The following PCDHB15 variants were observed in gnomAD, a reference collection of about 807,000 sequenced individuals.
PCDHB15 encodes protocadherin beta 15.
For missense variants in PCDHB15, 1,032 were observed against 991.7 expected, an observed-to-expected ratio of 1.04 and a Z score of -0.55; for synonymous variants, 492 against 447.9, an observed-to-expected ratio of 1.10 and a Z score of -1.24.
Position 141,247,677 on chromosome 5 carries a change from T to A in PCDHB15, c.2099T>A (p.Leu700His). The A allele has an allele frequency of 6.2e-7, 1 of 1,610,626 alleles. No homozygotes were observed. Residue 700 changes from leucine (L) to histidine (H), a missense_variant, in exon 1 of 1, where the codon CTC (leucine) becomes CAC (histidine). By Grantham distance (99) the Leu-to-His change is moderately conservative. Transcript: ENST00000231173. ...LVVALASVSSLFLFSVFLFVA... is the reference protein window; with the variant it reads ...LVVALASVSSHFLFSVFLFVA... Reference sequence around the variant, plus strand: ...GTGGCATTGGCCTCGGTGTCTTCGCTCTTCCTCTTCTCGGTGTTCCTGTTC... The same window carrying A: ...GTGGCATTGGCCTCGGTGTCTTCGCACTTCCTCTTCTCGGTGTTCCTGTTC...
Position 141,247,178 on chromosome 5 carries a change from A to G in PCDHB15, c.1600A>G (p.Thr534Ala), listed in dbSNP as rs1208662677. The G allele has an allele frequency of 1.2e-6, 2 of 1,613,200 alleles. No homozygotes were observed. Among genetic ancestry groups the G allele is most frequent in the Non-Finnish European group, 8.5e-7 (1 of 1,179,816 alleles). Residue 534 changes from threonine to alanine, a missense_variant, in exon 1 of 1, where the codon ACA (threonine) becomes GCA (alanine). Thr to Ala is a moderately conservative substitution (Grantham distance 58). Coordinates refer to ENST00000231173, the MANE Select transcript of PCDHB15 (RefSeq NM_018935.4). The stretch of plus-strand genomic sequence containing the variant: ...GGCTTTCGAGTTCCGCGTGGGCGCC[A>G]CAGACCGCGGCTTCCCGGCGCTGAG... ...LQAFEFRVGATDRGFPALSSE... is the reference protein window; with the variant it reads ...LQAFEFRVGAADRGFPALSSE...
Position 141,247,646 on chromosome 5 carries a change from C to T in PCDHB15, c.2068C>T (p.Leu690=). ...QAQADSLTVY[L]VVALASVSSL... Reference sequence around the variant, plus strand: ...CCAGGCCGACTCGCTTACCGTCTACCTGGTGGTGGCATTGGCCTCGGTGTC... The same window carrying T: ...CCAGGCCGACTCGCTTACCGTCTACTTGGTGGTGGCATTGGCCTCGGTGTC... Residue 690 remains leucine (L), a synonymous_variant, in exon 1 of 1, where the codon CTG becomes TTG. Transcript: ENST00000231173. The T allele has an allele frequency of 6.2e-7, 1 of 1,610,534 alleles. No homozygotes were observed.
rs1219282210 is a variant in PCDHB15, at chr5:141,248,089, T to A, written c.*147T>A. 1.8e-5 allele frequency: 12 copies of A among 658,236 alleles called. No individual in the cohort carries two copies. The highest frequency in any genetic ancestry group is 2.6e-5 in the Non-Finnish European group (11 of 424,544). The allele number at this position is 658,236 out of a possible 1,614,324, so 40.8% of individuals were successfully genotyped here. A position where few individuals can be genotyped will look rare whatever the true frequency, so the allele number is the denominator to read the frequency against. Reference sequence around the variant, plus strand: ...TTAGTAATGTTACTCATTTCCTTTGTCTGATTGTTAGTTTTCAAATTATTG... The same window carrying A: ...TTAGTAATGTTACTCATTTCCTTTGACTGATTGTTAGTTTTCAAATTATTG... On this transcript the variant is annotated 3_prime_UTR_variant, in exon 1 of 1. Coordinates refer to ENST00000231173, the MANE Select transcript of PCDHB15 (RefSeq NM_018935.4).
At position 141,246,041 on chromosome 5, in the gene PCDHB15, A is replaced by C. The variant is rs1554291836; in HGVS notation, c.463A>C (p.Lys155Gln). The change falls in exon 1 of 1, where the codon AAA (lysine) becomes CAA (glutamine). Residue 155 changes from lysine to glutamine, a missense_variant. Transcript: ENST00000231173. ...TSSLGTVFPL[K>Q]KARDLDVGSN... ...CTCCCTTGGGACTGTGTTTCCTCTG[A>C]AAAAAGCTCGGGACTTGGACGTGGG... is the stretch of plus-strand genomic sequence containing the variant. 6.2e-7 allele frequency: 1 copy of C among 1,614,154 alleles called. No individual in the cohort carries two copies. Among genetic ancestry groups the C allele is most frequent in the Non-Finnish European group, 8.5e-7 (1 of 1,180,036 alleles).
In PCDHB15 at chr5:141,247,008, A is replaced by G; in HGVS notation, c.1430A>G (p.Asp477Gly). ...CACATCGGCAGTGTCAGCGCCACAG[A>G]CAGAGACTCGGGCACCAACGCCCAG... is the stretch of plus-strand genomic sequence containing the variant. ...ALHIGSVSATDRDSGTNAQVT... is the reference protein window; with the variant it reads ...ALHIGSVSATGRDSGTNAQVT... The change falls in exon 1 of 1, where the codon GAC (aspartate) becomes GGC (glycine). Residue 477 changes from aspartate to glycine, a missense_variant. Asp to Gly is a moderately conservative substitution (Grantham distance 94, BLOSUM62 -1). Coordinates refer to ENST00000231173, the MANE Select transcript of PCDHB15 (RefSeq NM_018935.4). 1 of 1,613,378 alleles carries G rather than the reference A, an allele frequency of 6.2e-7. No individual in the cohort carries two copies. Among genetic ancestry groups the G allele is most frequent in the Non-Finnish European group, 8.5e-7 (1 of 1,180,010 alleles).
chr5:141,248,676 T>C lies in PCDHB15; in HGVS notation c.*734T>C, dbSNP rs1289861352. On this transcript the variant is annotated 3_prime_UTR_variant, in exon 1 of 1. Transcript: ENST00000231173. ...GTTTAAGGTGTTCGTATAAGGCCAA[T>C]AGACACTAGGACCAAGTAATGCATC... 1 of 152,176 alleles carries C rather than the reference T, an allele frequency of 6.6e-6. No individual in the cohort carries two copies. The highest frequency in any genetic ancestry group is 1.5e-5 in the Non-Finnish European group (1 of 68,028). The allele number at this position is 152,176 out of a possible 1,614,324, so 9.4% of individuals were successfully genotyped here.
At position 141,247,822 on chromosome 5, in the gene PCDHB15, C is replaced by T; in HGVS notation, c.2244C>T (p.Ser748=). 1 of 1,614,238 alleles carries T rather than the reference C, an allele frequency of 6.2e-7. No homozygotes were observed. The highest frequency in any genetic ancestry group is 1.1e-5 in the South Asian group (1 of 91,082). Residue 748 remains serine (S), a synonymous_variant, in exon 1 of 1, where the codon AGC becomes AGT. Transcript: ENST00000231173. ...DVSGTGTLSQ[S]YQYEVCLTGG... ...GCGGCACCGGGACCCTTTCCCAGAG[C>T]TACCAGTACGAGGTGTGTCTGACGG...
rs150110192 is a variant in PCDHB15 at position 141,247,593 on chromosome 5, C to T, written c.2015C>T (p.Pro672Leu). 1.9e-6 allele frequency: 3 copies of T among 1,610,186 alleles called. No individual in the cohort carries two copies. Among genetic ancestry groups the T allele is most frequent in the Non-Finnish European group, 2.5e-6 (3 of 1,179,782 alleles). ...GACGGCTTCTCTCAGCCCTACCTGC[C>T]GCTCCCAGAGGCGGCCCCGGCCCAA... Reference protein sequence around the residue: ...LVDGFSQPYLPLPEAAPAQAQ... With the variant: ...LVDGFSQPYLLLPEAAPAQAQ... Residue 672 changes from proline (P) to leucine (L), a missense_variant, in exon 1 of 1, where the codon CCG (proline) becomes CTG (leucine). Transcript: ENST00000231173.
chr5:141,247,063 C>A lies in PCDHB15; in HGVS notation c.1485C>A (p.Asp495Glu). 6.2e-7 allele frequency: 1 copy of A among 1,613,922 alleles called. No individual in the cohort carries two copies. The change falls in exon 1 of 1, where the codon GAC becomes GAA. Residue 495 changes from aspartate (D) to glutamate (E), a missense_variant. Physicochemically the swap from Asp to Glu is conservative, Grantham distance 45. Transcript: ENST00000231173. ...CCTACTCGCTGCTGCCGCCCCGGGA[C>A]CCGCACCTGCCCCTCACCTCCCTGG... is the stretch of plus-strand genomic sequence containing the variant. The part of the protein sequence containing the change: ...QVTYSLLPPR[D>E]PHLPLTSLVS...
rs1755233424 is a variant in PCDHB15, at chr5:141,245,517, C to G, written c.-62C>G. 1 of 1,428,274 alleles carries G rather than the reference C, an allele frequency of 7.0e-7. No homozygotes were observed. The highest frequency in any genetic ancestry group is 1.2e-5 in the South Asian group (1 of 80,244). The allele number at this position is 1,428,274 out of a possible 1,614,324, so 88.5% of individuals were successfully genotyped here. A position where few individuals can be genotyped will look rare whatever the true frequency, so the allele number is the denominator to read the frequency against. On this transcript the variant is annotated 5_prime_UTR_variant, in exon 1 of 1. Coordinates refer to ENST00000231173, the MANE Select transcript of PCDHB15 (RefSeq NM_018935.4). The stretch of plus-strand genomic sequence containing the variant: ...GCACAGATCGATCACTGCCTCTGTC[C>G]CATCGCTCCCTGAAGTAGCTCTGAC...
At position 141,245,522 on chromosome 5, in the gene PCDHB15, G is replaced by A; in HGVS notation, c.-57G>A. On this transcript the variant is annotated 5_prime_UTR_variant, in exon 1 of 1. Transcript: ENST00000231173. The stretch of plus-strand genomic sequence containing the variant: ...GATCGATCACTGCCTCTGTCCCATC[G>A]CTCCCTGAAGTAGCTCTGACTCCGG... The A allele has an allele frequency of 1.4e-6, 2 of 1,476,624 alleles. No individual in the cohort carries two copies. Among genetic ancestry groups the A allele is most frequent in the Non-Finnish European group, 1.9e-6 (2 of 1,072,266 alleles). 91.5% of individuals were successfully genotyped at this position (1,476,624 alleles called of 1,614,324 possible). A position where few individuals can be genotyped will look rare whatever the true frequency, so the allele number is the denominator to read the frequency against.
Position 141,248,735 on chromosome 5 carries a change from C to T in PCDHB15, c.*793C>T, listed in dbSNP as rs1457863207. On this transcript the variant is annotated 3_prime_UTR_variant, in exon 1 of 1. Coordinates refer to ENST00000231173, the MANE Select transcript of PCDHB15 (RefSeq NM_018935.4). ...TTTCCTCTTTTCACAGCAGGAAAAT[C>T]TTAACGAGTTCCAAATTCTGGGCTT... 6.6e-6 allele frequency: 1 copy of T among 152,128 alleles called. No homozygotes were observed. Among genetic ancestry groups the T allele is most frequent in the Non-Finnish European group, 1.5e-5 (1 of 68,040 alleles). The allele number at this position is 152,128 out of a possible 1,614,324, so 9.4% of individuals were successfully genotyped here.
chr5:141,247,798 C>G lies in PCDHB15; in HGVS notation c.2220C>G (p.Ser740Arg), dbSNP rs1755319172. The change falls in exon 1 of 1, where the codon AGC becomes AGG. Residue 740 changes from serine to arginine, a missense_variant. Physicochemically the swap from Ser to Arg is moderately radical, Grantham distance 110. Coordinates refer to ENST00000231173, the MANE Select transcript of PCDHB15 (RefSeq NM_018935.4). ...TTCCAGGGCATCTGGTGGACGTGAG[C>G]GGCACCGGGACCCTTTCCCAGAGCT... ...GPFPGHLVDV[S>R]GTGTLSQSYQ... 1 of 1,614,074 alleles carries G rather than the reference C, an allele frequency of 6.2e-7. No individual in the cohort carries two copies. The highest frequency in any genetic ancestry group is 1.3e-5 in the African/African-American group (1 of 74,942).
Position 141,248,939 on chromosome 5 carries a change from C to T in PCDHB15, c.*997C>T, listed in dbSNP as rs996525479. 6.6e-6 allele frequency: 1 copy of T among 152,148 alleles called. No individual in the cohort carries two copies. Among genetic ancestry groups the T allele is most frequent in the East Asian group, 1.9e-4 (1 of 5,202 alleles). The allele number at this position is 152,148 out of a possible 1,614,324, so 9.4% of individuals were successfully genotyped here. On this transcript the variant is annotated 3_prime_UTR_variant, in exon 1 of 1. Coordinates refer to ENST00000231173, the MANE Select transcript of PCDHB15 (RefSeq NM_018935.4). ...GAATTATTTGAGGAAAAAACATCTGCTCTCTTGTCAGGACTTTTCTGTCTC... is the reference window on the plus strand; with the variant it reads ...GAATTATTTGAGGAAAAAACATCTGTTCTCTTGTCAGGACTTTTCTGTCTC...
chr5:141,247,226 C>T lies in PCDHB15; in HGVS notation c.1648C>T (p.Leu550=). The change falls in exon 1 of 1, where the codon CTG becomes TTG. Residue 550 remains leucine (L), a synonymous_variant. Transcript: ENST00000231173. ...ALSSEALVRV[L]VLDANDNSPF... is the part of the protein sequence containing the mutation. ...GAGCAGCGAGGCGCTGGTGCGAGTG[C>T]TGGTGCTGGACGCCAACGACAACTC... 1 of 1,611,960 alleles carries T rather than the reference C, an allele frequency of 6.2e-7. No homozygotes were observed. Among genetic ancestry groups the T allele is most frequent in the Non-Finnish European group, 8.5e-7 (1 of 1,179,656 alleles).
chr5:141,247,791 A>G lies in PCDHB15; in HGVS notation c.2213A>G (p.Asp738Gly). The change falls in exon 1 of 1, where the codon GAC becomes GGC. Residue 738 changes from aspartate to glycine, a missense_variant. By Grantham distance (94) the Asp-to-Gly change is moderately conservative. Transcript: ENST00000231173. ...PEGPFPGHLVDVSGTGTLSQS... is the reference protein window; with the variant it reads ...PEGPFPGHLVGVSGTGTLSQS... ...GGCCCCTTTCCAGGGCATCTGGTGG[A>G]CGTGAGCGGCACCGGGACCCTTTCC... 6.2e-7 allele frequency: 1 copy of G among 1,614,114 alleles called. No individual in the cohort carries two copies. The highest frequency in any genetic ancestry group is 8.5e-7 in the Non-Finnish European group (1 of 1,180,004).
In PCDHB15 at chr5:141,245,815, G is replaced by A; in HGVS notation, c.237G>A (p.Leu79=). 6.2e-7 allele frequency: 1 copy of A among 1,614,206 alleles called. No individual in the cohort carries two copies. Among genetic ancestry groups the A allele is most frequent in the Non-Finnish European group, 8.5e-7 (1 of 1,180,050 alleles). ...EDNEQGLQLD[L]QTGQLILNEK... The stretch of plus-strand genomic sequence containing the variant: ...ACGAACAAGGCTTGCAGCTTGATCT[G>A]CAGACCGGGCAGTTGATATTAAATG... The change falls in exon 1 of 1, where the codon CTG becomes CTA. Residue 79 remains leucine, a synonymous_variant. Transcript: ENST00000231173.
rs188336413 is a variant in PCDHB15, at chr5:141,247,168, C to G, written c.1590C>G (p.Arg530=). ...DYEALQAFEF[R]VGATDRGFPA... ...AGGCCCTGCAGGCTTTCGAGTTCCG[C>G]GTGGGCGCCACAGACCGCGGCTTCC... Residue 530 remains arginine (R), a synonymous_variant, in exon 1 of 1, where the codon CGC becomes CGG. Transcript: ENST00000231173. 1.7e-5 allele frequency: 28 copies of G among 1,613,452 alleles called. No individual in the cohort carries two copies. In the African/African-American group the frequency reaches 2.0e-4, roughly 12 times the overall value.
At position 141,247,802 on chromosome 5, in the gene PCDHB15, A is replaced by G; in HGVS notation, c.2224A>G (p.Thr742Ala). ...FPGHLVDVSG[T>A]GTLSQSYQYE... ...AGGGCATCTGGTGGACGTGAGCGGCACCGGGACCCTTTCCCAGAGCTACCA... is the reference window on the plus strand; with the variant it reads ...AGGGCATCTGGTGGACGTGAGCGGCGCCGGGACCCTTTCCCAGAGCTACCA... Residue 742 changes from threonine to alanine, a missense_variant, in exon 1 of 1, where the codon ACC (threonine) becomes GCC (alanine). Coordinates refer to ENST00000231173, the MANE Select transcript of PCDHB15 (RefSeq NM_018935.4). The G allele has an allele frequency of 6.2e-7, 1 of 1,614,140 alleles. No individual in the cohort carries two copies. Among genetic ancestry groups the G allele is most frequent in the Admixed American group, 1.7e-5 (1 of 60,020 alleles).
Sources: allele counts gnomAD v4.1 joint callset, GRCh38; gene constraint gnomAD v4.1.1; transcripts MANE v1.5; gene names NCBI Gene and HGNC (gene_info 2026-07-23, HGNC 2026-07-21).